Variants in BANP observed in about 807,000 individuals in gnomAD.
BANP encodes protein BANP.
BANP carries 11 observed loss-of-function variants against 68.1 expected under a neutral mutation model. The ratio of observed to expected loss-of-function variants is 0.16; its 90% confidence interval spans 0.10 to 0.27. BANP has a LOEUF of 0.27. Ranked by LOEUF, BANP falls within the 10% of genes least tolerant of loss-of-function variation. BANP has a pLI of 1.00. For missense variants in BANP, 504 were observed against 722.7 expected (o/e 0.70, Z 3.47); for synonymous variants, 329 against 303.2 (o/e 1.09, Z -0.88).
chr16:87,981,062 G>C lies in BANP; in HGVS notation c.97G>C (p.Asp33His), dbSNP rs776003599. 6.8e-6 allele frequency: 11 copies of C among 1,613,962 alleles called. No individual in the cohort carries two copies. Among genetic ancestry groups the C allele is most frequent in the Non-Finnish European group, 9.3e-6 (11 of 1,179,906 alleles). Residue 33 changes from aspartate (D) to histidine (H), a missense_variant, in exon 3 of 14, where the codon GAT becomes CAT. Asp to His is a moderately conservative substitution (Grantham distance 81, BLOSUM62 -1). Around this residue, in one of 3 missense-constraint regions of BANP, gnomAD observed 238 missense variants for 278.9 expected, o/e 0.85. Transcript: ENST00000682872. ...PVVLENHVVT[D>H]EDEPALKRQR... Reference sequence around the variant, plus strand: ...TGTTTTGGAGAATCATGTAGTGACAGATGAAGACGAACCTGCTTTGAAACG... The same window carrying C: ...TGTTTTGGAGAATCATGTAGTGACACATGAAGACGAACCTGCTTTGAAACG...
intron 4 of BANP, among the ~76,000 whole-genome samples, chr16:87,992,990 G>A (rs1490434617): frequency 1.3e-5 from 2 of 152,168 alleles, no homozygotes; most frequent in South Asian, 2.1e-4. Flanking sequence ...ATCCATGACC[G>A]TTTCTCACAC....
At chr16:88,067,061 C>T (rs1263225798) in intron 12 of BANP, among the ~76,000 whole-genome samples, 1 of 148,464 alleles carries the variant, frequency 6.7e-6, no homozygotes, top group African/African-American at 2.4e-5. Flanking sequence ...TGCACACTCG[C>T]TCTCTTTTTT....
chr16:87,975,529 G>A (rs987941050), intron 2 of BANP, among the ~76,000 whole-genome samples: 1 of 151,380 alleles, frequency 6.6e-6, no homozygotes, highest in African/African-American at 2.4e-5. Context: ...GTAATCCCCT[G>A]TGTGCGGCGT....
intron 11 of BANP, among the ~76,000 whole-genome samples, chr16:88,054,676 C>T (rs1445225759): frequency 2.6e-5 from 4 of 152,220 alleles, no homozygotes; most frequent in Non-Finnish European, 5.9e-5. Flanking sequence ...ACTTATTGGC[C>T]TCTCACCCTC....
chr16:87,961,018 T>G (rs1210514886), intron 1 of BANP, among the ~76,000 whole-genome samples: 1 of 152,186 alleles, frequency 6.6e-6, no homozygotes, highest in East Asian at 1.9e-4. Flanking sequence ...TATTATAGAC[T>G]GAACAACATT....
rs66648819 is a variant in BANP, at chr16:87,987,712, C to CAAAAAAAAAAAAAAAAA, written c.362+3464_362+3480dup. Among the ~76,000 whole-genome samples, 118 of 30,370 alleles carry CAAAAAAAAAAAAAAAAA rather than the reference C, an allele frequency of 3.9e-3. 29 individuals are homozygous for CAAAAAAAAAAAAAAAAA. Among genetic ancestry groups the CAAAAAAAAAAAAAAAAA allele is most frequent in the Non-Finnish European group, 4.8e-3 (82 of 17,216 alleles). 19.9% of individuals were successfully genotyped at this position (30,370 alleles called of 152,430 possible). A position where few individuals can be genotyped will look rare whatever the true frequency, so the allele number is the denominator to read the frequency against. On this transcript the variant is annotated intron_variant, in intron 4 of 13. Coordinates refer to ENST00000682872, the MANE Select transcript of BANP (RefSeq NM_001386991.1). ...CTCCAGGCTGAGCGAGACCCTAACTCAAAAAAAAAAAAAAAAAAAAAAAAA... is the reference window on the plus strand; with the variant it reads ...CTCCAGGCTGAGCGAGACCCTAACTCAAAAAAAAAAAAAAAAAAAAAAAAAAAAAAAAAAAAAAAAAA...
At chr16:88,054,489 T>A (rs2152841470) in intron 11 of BANP, among the ~76,000 whole-genome samples, 1 of 151,854 alleles carries the variant, frequency 6.6e-6, no homozygotes, top group South Asian at 2.1e-4. Context: ...ACAACACATC[T>A]ATCACAGCAT....
At chr16:88,043,057 G>A (rs1290719149) in intron 11 of BANP, among the ~76,000 whole-genome samples, 1 of 152,208 alleles carries the variant, frequency 6.6e-6, no homozygotes, top group East Asian at 1.9e-4. Flanking sequence ...GTCACTGTGG[G>A]AGCTGCCTAA....
intron 13 of BANP, 55 bp downstream of exon 13, chr16:88,072,267 C>T: frequency 6.4e-7 from 1 of 1,554,572 alleles, no homozygotes; most frequent in South Asian, 1.2e-5. Flanking sequence ...CCGCCTGCCG[C>T]TGCCACCGGG....
intron 2 of BANP, among the ~76,000 whole-genome samples, chr16:87,975,477 G>A (rs1025788981): frequency 2.0e-5 from 3 of 152,176 alleles, no homozygotes; most frequent in East Asian, 1.9e-4. Context: ...CCCCTGCCGC[G>A]TCCCTGTGTG....
intron 13 of BANP, among the ~76,000 whole-genome samples, chr16:88,075,210 G>T (rs377433019): frequency 1.9e-4 from 29 of 152,322 alleles, no homozygotes; most frequent in African/African-American, 6.7e-4. Context: ...GCCAGGCATG[G>T]TGGCAGGTGC....
chr16:88,005,217 G>T (rs1567724526), intron 5 of BANP, among the ~76,000 whole-genome samples: 1 of 152,200 alleles, frequency 6.6e-6, no homozygotes, highest in East Asian at 1.9e-4. Flanking sequence ...AGGGTCAGCT[G>T]TGCCTCAGGG....
intron 7 of BANP, among the ~76,000 whole-genome samples, chr16:88,019,990 C>T (rs1165515589): frequency 1.3e-5 from 2 of 152,204 alleles, no homozygotes; most frequent in African/African-American, 4.8e-5. Context: ...CATGTCTTGT[C>T]CCAGGCGTGT....
intron 11 of BANP, among the ~76,000 whole-genome samples, chr16:88,046,823 T>G (rs1031259021): frequency 2.0e-5 from 3 of 151,982 alleles, no homozygotes; most frequent in African/African-American, 7.3e-5. Context: ...TCCCAGCACT[T>G]TAGGAGGCCG....
At chr16:88,030,501 C>A (rs1233092051) in intron 8 of BANP, among the ~76,000 whole-genome samples, 1 of 152,186 alleles carries the variant, frequency 6.6e-6, no homozygotes, top group East Asian at 1.9e-4. Context: ...AATGAAAACC[C>A]AAGTTAAATG....
chr16:88,031,740 A>G (rs536048935), intron 8 of BANP, among the ~76,000 whole-genome samples: 11 of 151,926 alleles, frequency 7.2e-5, no homozygotes, highest in Non-Finnish European at 1.6e-4. Context: ...AATACCTACC[A>G]TTAGCTATTG....
At position 88,003,723 on chromosome 16, in the gene BANP, A is replaced by G. The variant is rs1438094260; in HGVS notation, c.363-572A>G. On this transcript the variant is annotated intron_variant, in intron 4 of 13. Transcript: ENST00000682872. The surrounding 1 kb of genome is among the most constrained non-coding windows in gnomAD (Gnocchi z 6.1). ...GCAGAACCCTGAGCCCTTTGGTTGT[A>G]GCTCACACATGTTCCTGCAGGACCT... is the stretch of plus-strand genomic sequence containing the variant. The G allele has an allele frequency of 3.0e-6, 1 of 338,944 alleles. No individual in the cohort carries two copies. The highest frequency in any genetic ancestry group is 8.0e-5 in the East Asian group (1 of 12,524). 21.0% of individuals were successfully genotyped at this position (338,944 alleles called of 1,614,324 possible). A position where few individuals can be genotyped will look rare whatever the true frequency, so the allele number is the denominator to read the frequency against.
rs765840446 is a variant in BANP at position 88,036,029 on chromosome 16, G to A, written c.1272+635G>A. ...TGACAGTCTGAGTTCTTGGAAAGCCGAGGCCAGCCTGTTGCGATGCTCCAT... is the reference window on the plus strand; with the variant it reads ...TGACAGTCTGAGTTCTTGGAAAGCCAAGGCCAGCCTGTTGCGATGCTCCAT... On this transcript the variant is annotated intron_variant, in intron 10 of 13. Transcript: ENST00000682872. The surrounding 1 kb of genome is among the most constrained non-coding windows in gnomAD (Gnocchi z 4.2). Among the ~76,000 whole-genome samples, 2 of 152,230 alleles carry A rather than the reference G, an allele frequency of 1.3e-5. No individual in the cohort carries two copies. Among genetic ancestry groups the A allele is most frequent in the Non-Finnish European group, 2.9e-5 (2 of 68,038 alleles).
At chr16:88,063,091 G>A (rs1024522810) in intron 11 of BANP, among the ~76,000 whole-genome samples, 1 of 152,254 alleles carries the variant, frequency 6.6e-6, no homozygotes, top group Non-Finnish European at 1.5e-5. Flanking sequence ...CGCCGTGCAT[G>A]GAGGTGCCCT....
Sources: allele counts gnomAD v4.1 joint callset (sites outside exome capture counted in the v4.1 genomes callset), GRCh38; gene constraint gnomAD v4.1.1; regional missense constraint gnomAD v4.1.1; non-coding constraint Gnocchi (gnomAD v3.1); transcripts MANE v1.5; gene names NCBI Gene and HGNC (gene_info 2026-07-23, HGNC 2026-07-21).